Variants in EXT1 observed in about 807,000 individuals in gnomAD.
EXT1 encodes exostosin-1.
EXT1 carries 20 observed loss-of-function variants against 82.5 expected under a neutral mutation model. That is an observed-to-expected ratio of 0.24 (90% confidence interval 0.17 to 0.35). The LOEUF (loss-of-function observed/expected upper bound fraction) is 0.35, where lower values mean the gene tolerates loss of function less well. EXT1 is among the 10% of genes least tolerant of loss of function. EXT1 has a pLI of 1.00. For missense variants in EXT1, 757 were observed against 936.5 expected (o/e 0.81, Z 2.50); for synonymous variants, 348 against 350.8 (o/e 0.99, Z 0.09).
At chr8:118,009,705 A>G (rs1815854353) in intron 1 of EXT1, among the ~76,000 whole-genome samples, 1 of 152,178 alleles carries the variant, frequency 6.6e-6, no homozygotes, top group Non-Finnish European at 1.5e-5. Flanking sequence ...AGTGAACCCT[A>G]TTGTGAACTG....
At chr8:117,873,645 A>C (rs1563587199) in intron 1 of EXT1, among the ~76,000 whole-genome samples, 1 of 151,982 alleles carries the variant, frequency 6.6e-6, no homozygotes, top group Middle Eastern at 3.2e-3. Flanking sequence ...TAGTAGAGAC[A>C]GGGTTTTGCC....
intron 1 of EXT1, among the ~76,000 whole-genome samples, chr8:117,839,135 A>G (rs1812232098): frequency 6.6e-6 from 1 of 152,184 alleles, no homozygotes; most frequent in South Asian, 2.1e-4. Flanking sequence ...AGCAAGTAAG[A>G]TTGACATGAT....
At chr8:117,933,077 A>G (rs59593630) in intron 1 of EXT1, among the ~76,000 whole-genome samples, 3,070 of 151,960 alleles carry the variant, frequency 0.02, 113 homozygotes, top group African/African-American at 0.071. Flanking sequence ...TTCTTCCCCA[A>G]ACCTCCCAAG....
intron 1 of EXT1, among the ~76,000 whole-genome samples, chr8:117,857,106 G>A (rs565930708): frequency 2.2e-4 from 33 of 152,314 alleles, no homozygotes; most frequent in South Asian, 6.2e-4. Context: ...TAAGCCTACC[G>A]TTGAGACCTA....
At chr8:117,896,595 A>G (rs920680514) in intron 1 of EXT1, among the ~76,000 whole-genome samples, 1 of 152,204 alleles carries the variant, frequency 6.6e-6, no homozygotes, top group African/African-American at 2.4e-5. Context: ...CAGATTAAAA[A>G]TGGGTTTCCA....
chr8:118,039,557 C>CAAAA (rs71307422), intron 1 of EXT1, among the ~76,000 whole-genome samples: 100 of 82,048 alleles, frequency 1.2e-3, no homozygotes, highest in African/African-American at 2.1e-3. Flanking sequence ...GACTCCGTCA[C>CAAAA]AAAAAAAAAA....
intron 1 of EXT1, among the ~76,000 whole-genome samples, chr8:117,918,906 A>C (rs1281079906): frequency 6.6e-6 from 1 of 152,178 alleles, no homozygotes; most frequent in Non-Finnish European, 1.5e-5. Flanking sequence ...GTTGGAGGAG[A>C]ATATGAGAAA....
intron 1 of EXT1, among the ~76,000 whole-genome samples, chr8:118,067,779 G>A (rs1260294133): frequency 1.3e-5 from 2 of 152,230 alleles, no homozygotes; most frequent in South Asian, 2.1e-4. Context: ...GGCTACTTCT[G>A]CTAACTCTCT....
chr8:117,949,572 T>C (rs897942163), intron 1 of EXT1, among the ~76,000 whole-genome samples: 2 of 150,584 alleles, frequency 1.3e-5, no homozygotes, highest in African/African-American at 4.9e-5. Context: ...ATTTGGAAGT[T>C]ATTCATTTAA....
chr8:117,946,061 G>A (rs146386509), intron 1 of EXT1, among the ~76,000 whole-genome samples: 6 of 152,170 alleles, frequency 3.9e-5, no homozygotes, highest in African/African-American at 7.2e-5. Context: ...CACCATGCCC[G>A]GCTAATTTTA....
At chr8:118,002,528 CTTTTTTTTTTTTT>C (rs60354141) in intron 1 of EXT1, among the ~76,000 whole-genome samples, 33 of 87,096 alleles carry the variant, frequency 3.8e-4, no homozygotes, top group African/African-American at 1.5e-3. Context: ...GAATATTTTT[CTTTTTTTTTTTTT>C]TTTTTTTTGA....
intron 1 of EXT1, among the ~76,000 whole-genome samples, chr8:117,887,582 C>A (rs956378031): frequency 7.9e-5 from 12 of 152,026 alleles, no homozygotes; most frequent in Non-Finnish European, 1.2e-4. Context: ...GATCTCTTGA[C>A]CTCGTGATCT....
intron 1 of EXT1, among the ~76,000 whole-genome samples, chr8:118,037,340 T>C (rs1364808986): frequency 6.6e-6 from 1 of 151,722 alleles, no homozygotes; most frequent in African/African-American, 2.4e-5. Flanking sequence ...TGCCAATGTC[T>C]GCCCTCGAGT....
At chr8:117,989,504 A>G (rs1356945659) in intron 1 of EXT1, among the ~76,000 whole-genome samples, 1 of 152,162 alleles carries the variant, frequency 6.6e-6, no homozygotes, top group Non-Finnish European at 1.5e-5. Flanking sequence ...TGCAGTACTC[A>G]ATAGCTCTTT....
chr8:117,810,042 TC>T (rs1431975887), intron 8 of EXT1, among the ~76,000 whole-genome samples: 15 of 152,196 alleles, frequency 9.9e-5, no homozygotes, highest in Non-Finnish European at 7.3e-5. Context: ...AAACTATGAT[TC>T]TTGTGATAGC....
chr8:118,057,009 C>T (rs974206293), intron 1 of EXT1, among the ~76,000 whole-genome samples: 13 of 152,156 alleles, frequency 8.5e-5, no homozygotes, highest in Non-Finnish European at 1.6e-4. Context: ...AGGACAGGAA[C>T]GTCCTCCAGG....
chr8:117,805,255 T>G (rs1290061419), intron 9 of EXT1, among the ~76,000 whole-genome samples: 2 of 152,208 alleles, frequency 1.3e-5, no homozygotes, highest in Non-Finnish European at 2.9e-5. Context: ...AAGAACTAAA[T>G]AATTAGATGG....
intron 1 of EXT1, among the ~76,000 whole-genome samples, chr8:117,893,187 A>C (rs1390889068): frequency 1.3e-5 from 2 of 152,320 alleles, no homozygotes; most frequent in African/African-American, 4.8e-5. Flanking sequence ...CCTTGAACTT[A>C]TTTCTTTCAG....
chr8:117,912,484 A>G (rs1207976969), intron 1 of EXT1, among the ~76,000 whole-genome samples: 2 of 152,306 alleles, frequency 1.3e-5, no homozygotes, highest in East Asian at 1.9e-4. Context: ...AAAATAATTA[A>G]TTTCAGTGGT....
Sources: allele counts gnomAD v4.1 joint callset (sites outside exome capture counted in the v4.1 genomes callset), GRCh38; gene constraint gnomAD v4.1.1; transcripts MANE v1.5; gene names NCBI Gene and HGNC (gene_info 2026-07-23, HGNC 2026-07-21).